CNOT6L: variants seen among roughly 807,000 people sequenced by gnomAD.
CNOT6L encodes CCR4-NOT transcription complex subunit 6-like.
A neutral mutation model predicts 64.0 loss-of-function variants in CNOT6L; 7 were observed. The observed-to-expected ratio is 0.11, with a 90% confidence interval of 0.06 to 0.21. CNOT6L has a LOEUF of 0.21. Ranked by LOEUF, CNOT6L falls within the 10% of genes least tolerant of loss-of-function variation. The pLI is 1.00. For synonymous variants in CNOT6L, 193 were observed against 243.4 expected (o/e 0.79, Z 1.93); for missense variants, 245 against 669.0 (o/e 0.37, Z 6.99).
At chr4:77,797,121 A>AAAAAAC in intron 1 of CNOT6L, among the ~76,000 whole-genome samples, 2 of 150,930 alleles carry the variant, frequency 1.3e-5, no homozygotes, top group Non-Finnish European at 1.5e-5. Flanking sequence ...AAAAAAAAAA[A>AAAAAAC]AAAAACTGCC....
intron 8 of CNOT6L, 117 bp downstream of exon 8, chr4:77,742,024 A>G (rs947136147): frequency 2.3e-6 from 2 of 886,590 alleles, no homozygotes; most frequent in Non-Finnish European, 3.4e-6. Flanking sequence ...TTTAAGTTGC[A>G]TAATACTTGT....
At chr4:77,763,152 T>C (rs1412352757) in intron 4 of CNOT6L, among the ~76,000 whole-genome samples, 1 of 151,932 alleles carries the variant, frequency 6.6e-6, no homozygotes, top group Non-Finnish European at 1.5e-5. Context: ...AATCAAAAGG[T>C]AGGACAGCAA....
At chr4:77,799,567 T>C (rs1247050445) in intron 1 of CNOT6L, among the ~76,000 whole-genome samples, 31 of 151,784 alleles carry the variant, frequency 2.0e-4, no homozygotes, top group Admixed American at 2.0e-3. Flanking sequence ...TAGCTGGGCG[T>C]GGTGGTGGGC....
At chr4:77,787,462 TA>T (rs1729584430) in intron 1 of CNOT6L, among the ~76,000 whole-genome samples, 2 of 152,200 alleles carry the variant, frequency 1.3e-5, no homozygotes, top group Non-Finnish European at 2.9e-5. Context: ...GTACTTATAT[TA>T]AATATAAAAT....
chr4:77,747,721 G>A (rs1724365394), intron 6 of CNOT6L, among the ~76,000 whole-genome samples: 1 of 152,080 alleles, frequency 6.6e-6, no homozygotes, highest in Non-Finnish European at 1.5e-5. Context: ...AAAGGCTTAT[G>A]TTTTCTACAT....
chr4:77,786,979 A>G (rs1577984577), intron 1 of CNOT6L, among the ~76,000 whole-genome samples: 1 of 151,766 alleles, frequency 6.6e-6, no homozygotes, highest in East Asian at 2.0e-4. Context: ...TCTAATAATA[A>G]ATGAGGCCGG....
chr4:77,771,014 C>G (rs1418359322), intron 4 of CNOT6L, among the ~76,000 whole-genome samples: 1 of 152,078 alleles, frequency 6.6e-6, no homozygotes, highest in Non-Finnish European at 1.5e-5. Context: ...AGGGTAAGTC[C>G]ACTGGATTCA....
At chr4:77,763,784 G>T (rs1241599716) in intron 4 of CNOT6L, among the ~76,000 whole-genome samples, 1 of 152,104 alleles carries the variant, frequency 6.6e-6, no homozygotes, top group African/African-American at 2.4e-5. Flanking sequence ...CACAGAACTG[G>T]TTCATTAGTC....
At chr4:77,779,724 G>GTAAT in intron 1 of CNOT6L, among the ~76,000 whole-genome samples, 1 of 152,170 alleles carries the variant, frequency 6.6e-6, no homozygotes, top group Non-Finnish European at 1.5e-5. Context: ...CACTTTGGGA[G>GTAAT]GCCGAGGCGG....
intron 1 of CNOT6L, among the ~76,000 whole-genome samples, chr4:77,818,261 C>A (rs970892951): frequency 6.6e-6 from 1 of 152,166 alleles, no homozygotes; most frequent in African/African-American, 2.4e-5. Context: ...CCGAGTTAAG[C>A]AGGATGACAG....
chr4:77,742,160 T>G lies in CNOT6L; in HGVS notation c.853A>C (p.Ile285Leu), dbSNP rs1187299822. Residue 285 changes from isoleucine (I) to leucine (L), a missense_variant, in exon 8 of 12, where the codon ATA becomes CTA. Coordinates refer to ENST00000504123, the MANE Select transcript of CNOT6L (RefSeq NM_144571.3). The part of the protein sequence containing the change: ...QERKHVDGCA[I>L]FFKTEKFTLV... ...ACTTACTTTTCTGTTTTGAAGAATA[T>G]TGCACAACCATCTACATGCTTTCTC... 1 of 1,613,476 alleles carries G rather than the reference T, an allele frequency of 6.2e-7. No individual in the cohort carries two copies. The highest frequency in any genetic ancestry group is 2.2e-5 in the East Asian group (1 of 44,840).
At chr4:77,768,474 A>AATAAATATATAT (rs1215170210) in intron 4 of CNOT6L, among the ~76,000 whole-genome samples, 16 of 13,066 alleles carry the variant, frequency 1.2e-3, no homozygotes, top group Non-Finnish European at 2.9e-3. Context: ...AAAATAAATA[A>AATAAATATATAT]ATATATATAT....
In CNOT6L at chr4:77,741,385, T is replaced by G. The variant is rs993460634; in HGVS notation, c.872+756A>C. On this transcript the variant is annotated intron_variant, in intron 8 of 11. Transcript: ENST00000504123. The stretch of plus-strand genomic sequence containing the variant: ...AAATACTGGAAAACAGCTGTAAGCA[T>G]GTATATGCTTATCCTGTAAGATGAT... Among the ~76,000 whole-genome samples the G allele has an allele frequency of 2.0e-5, 3 of 152,294 alleles. No homozygotes were observed. In the East Asian group the frequency reaches 5.8e-4, roughly 29 times the overall value.
Position 77,716,640 on chromosome 4 carries a change from T to A in CNOT6L, c.*3791A>T, listed in dbSNP as rs776372365. On this transcript the variant is annotated 3_prime_UTR_variant, in exon 12 of 12. Coordinates refer to ENST00000504123, the MANE Select transcript of CNOT6L (RefSeq NM_144571.3). ...ATGTGCCACATCCTCAATTCTAATA[T>A]AATCTACCATAGAATCAAGTGATAT... The A allele has an allele frequency of 2.6e-5, 4 of 152,548 alleles. No homozygotes were observed. Among genetic ancestry groups the A allele is most frequent in the African/African-American group, 4.8e-5 (2 of 41,450 alleles). The allele number at this position is 152,548 out of a possible 1,614,324, so 9.4% of individuals were successfully genotyped here.
At chr4:77,805,722 A>T (rs553104995) in intron 1 of CNOT6L, among the ~76,000 whole-genome samples, 1 of 152,260 alleles carries the variant, frequency 6.6e-6, no homozygotes, top group South Asian at 2.1e-4. Context: ...TTCAAGTCCT[A>T]TTTACTTTAT....
At chr4:77,790,222 C>G (rs1000709696) in intron 1 of CNOT6L, among the ~76,000 whole-genome samples, 1 of 152,126 alleles carries the variant, frequency 6.6e-6, no homozygotes, top group Admixed American at 6.5e-5. Context: ...TCCTCCATGT[C>G]TTTTCATAGC....
chr4:77,754,793 A>T (rs13132986), intron 5 of CNOT6L, among the ~76,000 whole-genome samples: 1 of 150,746 alleles, frequency 6.6e-6, no homozygotes. Flanking sequence ...ACATTAAAAA[A>T]CAATAGTGAA....
chr4:77,740,735 T>G (rs753662606), intron 8 of CNOT6L, among the ~76,000 whole-genome samples: 1 of 152,224 alleles, frequency 6.6e-6, no homozygotes, highest in African/African-American at 2.4e-5. Flanking sequence ...AGGGACTACA[T>G]GCCGATGGTA....
chr4:77,779,061 AACAAAAAAAAAACAC>A (rs1728518384), intron 1 of CNOT6L, among the ~76,000 whole-genome samples: 1 of 89,272 alleles, frequency 1.1e-5, no homozygotes, highest in South Asian at 3.3e-4. Context: ...AAAAAAAAAA[AACAAAAAAAAAACAC>A]AAAAAACACA....
Sources: allele counts gnomAD v4.1 joint callset (sites outside exome capture counted in the v4.1 genomes callset), GRCh38; gene constraint gnomAD v4.1.1; transcripts MANE v1.5; gene names NCBI Gene and HGNC (gene_info 2026-07-23, HGNC 2026-07-21).